RBMS3: variants seen among roughly 807,000 people sequenced by gnomAD.
RBMS3 encodes RNA-binding motif, single-stranded-interacting protein 3.
A neutral mutation model predicts 66.8 loss-of-function variants in RBMS3; 27 were observed. That is an observed-to-expected ratio of 0.40 (90% CI 0.30 to 0.56). The LOEUF is 0.56. Among genes scored for constraint, RBMS3 ranks in the 20% least tolerant of loss-of-function variants. The probability of loss-of-function intolerance (pLI) is 0.40; values close to 1 mark genes in which losing one functional copy is unlikely to be tolerated. For synonymous variants in RBMS3, 188 were observed against 183.0 expected (o/e 1.03, Z -0.22); for missense variants, 513 against 549.5 (o/e 0.93, Z 0.66).
intron 4 of RBMS3, chr3:29,731,085 C>T: frequency 2.1e-6 from 2 of 941,316 alleles, no homozygotes; most frequent in Non-Finnish European, 2.5e-6. Context: ...GAAGGCTCCT[C>T]AATTGATCTT....
At position 29,754,802 on chromosome 3, in the gene RBMS3, G is replaced by A. The variant is rs576060949; in HGVS notation, c.558-8108G>A. 2.6e-5 allele frequency among the ~76,000 whole-genome samples: 4 copies of A among 152,268 alleles called. No individual in the cohort carries two copies. The South Asian group carries it at 6.2e-4, about 24-fold the overall frequency. On this transcript the variant is annotated intron_variant, in intron 5 of 14. Coordinates refer to ENST00000383767, the MANE Select transcript of RBMS3 (RefSeq NM_001003793.3). The stretch of plus-strand genomic sequence containing the variant: ...AAGACTTTTCGTTAAGATAACATAA[G>A]CTATTAATTGGTTATTCATTGCTCT...
intron 6 of RBMS3, among the ~76,000 whole-genome samples, chr3:29,795,169 C>T (rs557179905): frequency 5.9e-5 from 9 of 152,286 alleles, no homozygotes; most frequent in South Asian, 2.1e-4. Context: ...CAAAACTGCA[C>T]GGCTGGTACC....
intron 3 of RBMS3, among the ~76,000 whole-genome samples, chr3:29,560,350 G>T (rs73831605): frequency 8.5e-5 from 13 of 152,062 alleles, no homozygotes; most frequent in South Asian, 2.1e-4. Context: ...ATTTCTTATG[G>T]TCCTTTATGT....
chr3:29,298,720 C>T (rs1045477193), intron 1 of RBMS3, among the ~76,000 whole-genome samples: 2 of 151,438 alleles, frequency 1.3e-5, no homozygotes. Context: ...GGTCTCATGA[C>T]GTTTTGTGAA....
At chr3:29,512,701 A>G (rs983733349) in intron 3 of RBMS3, among the ~76,000 whole-genome samples, 1 of 152,214 alleles carries the variant, frequency 6.6e-6, no homozygotes, top group African/African-American at 2.4e-5. Flanking sequence ...TGGTACAGCC[A>G]TAATACTTCC....
intron 3 of RBMS3, among the ~76,000 whole-genome samples, chr3:29,497,018 CT>C (rs199605144): frequency 0.12 from 17,352 of 147,700 alleles, 1,453 homozygotes; most frequent in African/African-American, 0.24. Context: ...ATTGGGAAAA[CT>C]TTTTTTTTTT....
rs182795535 is a variant in RBMS3 at position 29,698,210 on chromosome 3, A to T, written c.400-41510A>T. 4.9e-4 allele frequency: 479 copies of T among 985,106 alleles called. 5 individuals carry two copies. The African/African-American group carries it at 7.6e-3, about 16-fold the overall frequency. The allele number at this position is 985,106 out of a possible 1,614,324, so 61.0% of individuals were successfully genotyped here. ...TTTATAGCCACAGGACTTCAATTTT[A>T]TAAGAGTCCAGAAAGTTCTGAGTAA... On this transcript the variant is annotated intron_variant, in intron 4 of 14. Coordinates refer to ENST00000383767, the MANE Select transcript of RBMS3 (RefSeq NM_001003793.3).
chr3:29,589,252 T>C (rs1283350299), intron 4 of RBMS3, among the ~76,000 whole-genome samples: 1 of 152,020 alleles, frequency 6.6e-6, no homozygotes, highest in Non-Finnish European at 1.5e-5. Context: ...CTCTGACTCT[T>C]TCATTCTCTC....
intron 6 of RBMS3, among the ~76,000 whole-genome samples, chr3:29,867,717 G>A (rs1404842858): frequency 2.0e-5 from 3 of 151,194 alleles, no homozygotes; most frequent in African/African-American, 7.3e-5. Flanking sequence ...CAGACCTAGA[G>A]TCAGAATGAG....
chr3:29,547,324 A>G (rs1038420619), intron 3 of RBMS3, among the ~76,000 whole-genome samples: 5 of 152,176 alleles, frequency 3.3e-5, no homozygotes, highest in African/African-American at 4.8e-5. Context: ...TGTGGGTGAC[A>G]ATTATAATTA....
intron 5 of RBMS3, among the ~76,000 whole-genome samples, chr3:29,760,990 A>G (rs1025930123): frequency 1.3e-5 from 2 of 152,132 alleles, no homozygotes; most frequent in Non-Finnish European, 2.9e-5. Flanking sequence ...GATGATATAC[A>G]TACTGAGCGT....
At chr3:29,658,434 C>G (rs2050401200) in intron 4 of RBMS3, among the ~76,000 whole-genome samples, 1 of 152,154 alleles carries the variant, frequency 6.6e-6, no homozygotes, top group South Asian at 2.1e-4. Flanking sequence ...ATTGATTTTG[C>G]TGGTTCGTAG....
intron 1 of RBMS3, among the ~76,000 whole-genome samples, chr3:29,372,043 A>C (rs961164202): frequency 6.6e-6 from 1 of 152,202 alleles, no homozygotes; most frequent in Non-Finnish European, 1.5e-5. Context: ...CATAGCCAAA[A>C]GGCACCTGGT....
At chr3:29,872,684 C>T (rs2059520443) in intron 7 of RBMS3, among the ~76,000 whole-genome samples, 2 of 152,112 alleles carry the variant, frequency 1.3e-5, no homozygotes, top group African/African-American at 4.8e-5. Flanking sequence ...AGTGCAACTC[C>T]ACTTCCCCTT....
intron 4 of RBMS3, among the ~76,000 whole-genome samples, chr3:29,737,030 G>A (rs1042012673): frequency 2.6e-5 from 4 of 151,874 alleles, no homozygotes; most frequent in African/African-American, 9.7e-5. Context: ...AGGCTGGAGT[G>A]CAGTGGCATG....
intron 1 of RBMS3, among the ~76,000 whole-genome samples, chr3:29,340,403 A>G (rs183881028): frequency 3.3e-5 from 5 of 152,286 alleles, no homozygotes; most frequent in Admixed American, 2.0e-4. Flanking sequence ...CTTATGACAG[A>G]ATGCAATTTT....
At chr3:29,765,583 A>G (rs1177824882) in intron 6 of RBMS3, among the ~76,000 whole-genome samples, 1 of 151,998 alleles carries the variant, frequency 6.6e-6, no homozygotes, top group African/African-American at 2.4e-5. Context: ...GTGGTTTTAT[A>G]GAACTGCACA....
At chr3:29,671,527 A>G (rs1467447674) in intron 4 of RBMS3, among the ~76,000 whole-genome samples, 1 of 152,206 alleles carries the variant, frequency 6.6e-6, no homozygotes, top group African/African-American at 2.4e-5. Context: ...AGAAGCTAAA[A>G]ACCTTGAAAA....
rs2041753278 is a variant in RBMS3 at position 29,444,726 on chromosome 3, A to T, written c.248+9811A>T. On this transcript the variant is annotated intron_variant, in intron 2 of 14. Transcript: ENST00000383767. ...AGTCTTTGTAGACAAGTACAAGCTA[A>T]AAGCCATTTGAAGTGGTCCTTTCTT... 2.0e-5 allele frequency among the ~76,000 whole-genome samples: 3 copies of T among 148,504 alleles called. No homozygotes were observed. The South Asian group carries it at 6.4e-4, about 31-fold the overall frequency.
Sources: gnomAD v4.1 joint callset for allele counts (sites outside exome capture counted in the v4.1 genomes callset) on GRCh38, gnomAD v4.1.1 for gene constraint, MANE v1.5 for transcripts, NCBI Gene and HGNC (gene_info 2026-07-23, HGNC 2026-07-21) for gene names.